SCLT1: variants seen among roughly 807,000 people sequenced by gnomAD.
SCLT1 encodes sodium channel-associated protein 1.
In SCLT1, 78 loss-of-function variants were observed where a neutral mutation model predicts 112.8. That is an observed-to-expected ratio of 0.69 (90% confidence interval 0.58 to 0.83). The LOEUF (loss-of-function observed/expected upper bound fraction) is 0.83, where lower values mean the gene tolerates loss of function less well. Among genes scored for constraint, SCLT1 ranks in the 40% least tolerant of loss-of-function variants. The pLI is 0.00. For synonymous variants in SCLT1, 257 were observed against 254.7 expected, an observed-to-expected ratio of 1.01 and a Z score of -0.09; for missense variants, 747 against 770.4, an observed-to-expected ratio of 0.97 and a Z score of 0.36.
At chr4:128,907,085 A>G (rs1328059552) in intron 18 of SCLT1, among the ~76,000 whole-genome samples, 48 of 151,026 alleles carry the variant, frequency 3.2e-4, no homozygotes, top group Admixed American at 3.2e-3. Context: ...TAATAAATTC[A>G]GGAAACAAAA....
intron 1 of SCLT1, among the ~76,000 whole-genome samples, chr4:129,091,753 A>G (rs1752841091): frequency 6.6e-6 from 1 of 152,122 alleles, no homozygotes; most frequent in Non-Finnish European, 1.5e-5. Context: ...CTTCAAGAGG[A>G]TTCTTGTGTT....
At chr4:128,908,900 C>T (rs1003419075) in intron 18 of SCLT1, among the ~76,000 whole-genome samples, 24 of 152,316 alleles carry the variant, frequency 1.6e-4, no homozygotes, top group African/African-American at 5.3e-4. Flanking sequence ...CTGCCTAAGA[C>T]ATGCAACGTA....
At chr4:129,082,423 C>CT in intron 1 of SCLT1, 50 bp from the exon 2 acceptor site, 1 of 1,125,586 alleles carries the variant, frequency 8.9e-7, no homozygotes, top group Non-Finnish European at 1.3e-6. Context: ...ATGGTCAATT[C>CT]TTTAAAACTA....
chr4:129,075,908 A>G (rs886616710), intron 2 of SCLT1, among the ~76,000 whole-genome samples: 1 of 152,148 alleles, frequency 6.6e-6, no homozygotes, highest in African/African-American at 2.4e-5. Context: ...ACTCCTATAC[A>G]TTGTACAAGA....
At chr4:128,899,803 A>T (rs1734114382) in intron 18 of SCLT1, among the ~76,000 whole-genome samples, 1 of 152,238 alleles carries the variant, frequency 6.6e-6, no homozygotes, top group Non-Finnish European at 1.5e-5. Flanking sequence ...AATCTCCTTA[A>T]GCTGATAGGC....
At chr4:129,020,099 G>A (rs1384377362) in intron 5 of SCLT1, among the ~76,000 whole-genome samples, 1 of 152,152 alleles carries the variant, frequency 6.6e-6, no homozygotes, top group Non-Finnish European at 1.5e-5. Context: ...TTGAGACACA[G>A]CCATATTACA....
At chr4:129,036,741 C>T (rs976993922) in intron 5 of SCLT1, 1 of 151,698 alleles carries the variant, frequency 6.6e-6, no homozygotes, top group Admixed American at 6.6e-5. Context: ...AAGACAATTC[C>T]GTGGGTGTGC....
At chr4:128,877,301 A>C (rs1370333212) in intron 3 of SCLT1, among the ~76,000 whole-genome samples, 1 of 152,190 alleles carries the variant, frequency 6.6e-6, no homozygotes, top group Non-Finnish European at 1.5e-5. Flanking sequence ...TAATTTGCTC[A>C]AGGTCAGTAG....
chr4:128,920,578 C>A (rs1386409153), intron 18 of SCLT1, among the ~76,000 whole-genome samples: 1 of 152,160 alleles, frequency 6.6e-6, no homozygotes, highest in Admixed American at 6.5e-5. Context: ...GCCACTGTGC[C>A]CAGCCTAGAA....
intron 9 of SCLT1, among the ~76,000 whole-genome samples, chr4:128,974,874 C>A (rs1036639197): frequency 1.3e-5 from 2 of 151,858 alleles, no homozygotes; most frequent in African/African-American, 4.8e-5. Flanking sequence ...TATTAACAAT[C>A]TTGATGTCAT....
At chr4:129,085,138 A>T (rs1366102432) in intron 1 of SCLT1, among the ~76,000 whole-genome samples, 1 of 152,230 alleles carries the variant, frequency 6.6e-6, no homozygotes, top group African/African-American at 2.4e-5. Context: ...AAGGTCTAAT[A>T]GTCAGCATCT....
intron 18 of SCLT1, among the ~76,000 whole-genome samples, chr4:128,928,938 T>G (rs1736532112): frequency 6.6e-6 from 1 of 152,090 alleles, no homozygotes; most frequent in Non-Finnish European, 1.5e-5. Flanking sequence ...ACAGAAAATA[T>G]TATATGAAAT....
chr4:128,959,595 CT>C lies in SCLT1; in HGVS notation c.1047+4del. ...ATATCTAAACATATTTACTAGCTTT[CT>C]TACCTGACTTTTTTGAAGGTTAGCT... is the stretch of plus-strand genomic sequence containing the variant. On this transcript the variant is annotated splice_donor_region_variant and intron_variant, in intron 12 of 20. Coordinates refer to ENST00000281142, the MANE Select transcript of SCLT1 (RefSeq NM_144643.4). The C allele has an allele frequency of 6.2e-7, 1 of 1,609,526 alleles. No homozygotes were observed. The highest frequency in any genetic ancestry group is 8.5e-7 in the Non-Finnish European group (1 of 1,176,878).
chr4:129,035,209 CAT>C (rs1306288629), intron 5 of SCLT1, among the ~76,000 whole-genome samples: 1 of 152,146 alleles, frequency 6.6e-6, no homozygotes, highest in Non-Finnish European at 1.5e-5. Flanking sequence ...CTAATCTTCT[CAT>C]GTGCTGATAT....
At chr4:128,986,240 C>A (rs1742082187) in intron 9 of SCLT1, among the ~76,000 whole-genome samples, 1 of 152,122 alleles carries the variant, frequency 6.6e-6, no homozygotes, top group African/African-American at 2.4e-5. Context: ...TGGAACACAA[C>A]ATAGGCTAGA....
intron 4 of SCLT1, among the ~76,000 whole-genome samples, chr4:129,040,778 T>TA (rs1457056022): frequency 6.6e-6 from 1 of 152,188 alleles, no homozygotes; most frequent in East Asian, 1.9e-4. Context: ...ACTAGGTCAA[T>TA]AAGTCATAAG....
At chr4:128,933,496 A>G (rs891727628) in intron 18 of SCLT1, among the ~76,000 whole-genome samples, 14 of 152,106 alleles carry the variant, frequency 9.2e-5, no homozygotes, top group Non-Finnish European at 1.5e-4. Flanking sequence ...GACCCCAGTA[A>G]TCTTGATACC....
At chr4:129,046,918 A>G (rs929621206) in intron 2 of SCLT1, among the ~76,000 whole-genome samples, 2 of 152,154 alleles carry the variant, frequency 1.3e-5, no homozygotes, top group Admixed American at 6.6e-5. Context: ...GAAGTTGAAC[A>G]GTCTTTTCTA....
At chr4:129,053,556 G>GTTTTTTTTTTTTTTTTTTT (rs1749035905) in intron 2 of SCLT1, among the ~76,000 whole-genome samples, 5 of 32,418 alleles carry the variant, frequency 1.5e-4, no homozygotes, top group African/African-American at 5.2e-4. Flanking sequence ...TGCAATCCCT[G>GTTTTTTTTTTTTTTTTTTT]ATTTTTTTTT....
Sources: allele counts gnomAD v4.1 joint callset (sites outside exome capture counted in the v4.1 genomes callset), GRCh38; gene constraint gnomAD v4.1.1; transcripts MANE v1.5; gene names NCBI Gene and HGNC (gene_info 2026-07-23, HGNC 2026-07-21).